The following FLRT1 variants were observed in gnomAD, a reference collection of about 807,000 sequenced individuals.
FLRT1 encodes leucine-rich repeat transmembrane protein FLRT1.
Under a neutral mutation model 30.9 loss-of-function variants are expected in FLRT1, and 14 were observed. The observed-to-expected ratio is 0.45, with a 90% CI of 0.30 to 0.71. The LOEUF is 0.71. FLRT1 is among the 30% of genes least tolerant of loss of function. The pLI is 0.08. For missense variants in FLRT1, 737 were observed against 949.2 expected (o/e 0.78, Z 2.94); for synonymous variants, 368 against 430.4 (o/e 0.85, Z 1.80).
intron 1 of FLRT1, among the ~76,000 whole-genome samples, chr11:64,073,632 T>C (rs901114458): frequency 6.6e-6 from 1 of 151,090 alleles, no homozygotes. Flanking sequence ...GCGCTGGGGG[T>C]GCACATGTAC....
intron 1 of FLRT1, among the ~76,000 whole-genome samples, chr11:64,071,480 A>T (rs1386040293): frequency 6.6e-6 from 1 of 151,976 alleles, no homozygotes; most frequent in Non-Finnish European, 1.5e-5. Flanking sequence ...GGCCAAGGAG[A>T]GCATTGTCCC....
intron 1 of FLRT1, among the ~76,000 whole-genome samples, chr11:64,075,172 G>A (rs1012535371): frequency 7.2e-5 from 11 of 152,214 alleles, no homozygotes; most frequent in African/African-American, 2.7e-4. Flanking sequence ...ACAGGGCAGC[G>A]CATGAGGGTC....
At chr11:64,094,665 C>A (rs1289946036) in intron 1 of FLRT1, among the ~76,000 whole-genome samples, 1 of 152,204 alleles carries the variant, frequency 6.6e-6, no homozygotes, top group African/African-American at 2.4e-5. Context: ...GTGGCTGCTG[C>A]GGGCGGGACC....
At chr11:64,101,821 G>A (rs1325688800) in intron 1 of FLRT1, among the ~76,000 whole-genome samples, 5 of 152,046 alleles carry the variant, frequency 3.3e-5, no homozygotes, top group Non-Finnish European at 5.9e-5. Flanking sequence ...TCGATGTCCC[G>A]TGGGGCTTGC....
chr11:64,089,371 C>A (rs952459305), intron 1 of FLRT1, among the ~76,000 whole-genome samples: 1 of 152,178 alleles, frequency 6.6e-6, no homozygotes, highest in Non-Finnish European at 1.5e-5. Flanking sequence ...CGCAAGTCCC[C>A]TAGACCTGGG....
intron 1 of FLRT1, among the ~76,000 whole-genome samples, chr11:64,081,311 C>T (rs1390006636): frequency 6.6e-6 from 1 of 152,134 alleles, no homozygotes; most frequent in Non-Finnish European, 1.5e-5. Context: ...CGTGAGCCAC[C>T]ACGCCCAGCC....
At chr11:64,106,199 G>T (rs1301847782) in intron 2 of FLRT1, among the ~76,000 whole-genome samples, 2 of 152,168 alleles carry the variant, frequency 1.3e-5, no homozygotes, top group South Asian at 4.2e-4. Flanking sequence ...TCTGAGGCCT[G>T]GGTTTGTGGC....
intron 1 of FLRT1, among the ~76,000 whole-genome samples, chr11:64,038,159 AAGG>A (rs1441938987): frequency 2.0e-5 from 3 of 152,074 alleles, no homozygotes; most frequent in Admixed American, 2.0e-4. Context: ...AGCTGTTTCT[AAGG>A]AGGTGATGGG....
rs755446395 is a variant in FLRT1 at position 64,116,877 on chromosome 11, C to T, written c.610C>T (p.Arg204Trp). The change falls in exon 3 of 3, where the codon CGG becomes TGG. Residue 204 changes from arginine (R) to tryptophan (W), a missense_variant. By Grantham distance (101) the Arg-to-Trp change is moderately radical. Coordinates refer to ENST00000682287, the MANE Select transcript of FLRT1 (RefSeq NM_013280.5). ...GCTGCCGCACACGCTGGAGGAGCTG[C>T]GGCTGGATGACAACCGCATCTCCAC... ...SGLPHTLEELRLDDNRISTIP... is the reference protein window; with the variant it reads ...SGLPHTLEELWLDDNRISTIP... The T allele has an allele frequency of 3.7e-6, 6 of 1,611,646 alleles. No homozygotes were observed. The East Asian group carries it at 1.1e-4, about 30-fold the overall frequency.
intron 2 of FLRT1, among the ~76,000 whole-genome samples, chr11:64,115,181 C>A (rs1387215567): frequency 6.6e-6 from 1 of 152,196 alleles, no homozygotes; most frequent in Non-Finnish European, 1.5e-5. Flanking sequence ...ACACCTTCCT[C>A]ACTGAGACTG....
intron 1 of FLRT1, among the ~76,000 whole-genome samples, chr11:64,078,866 G>A (rs563500303): frequency 2.2e-4 from 33 of 152,334 alleles, no homozygotes; most frequent in Admixed American, 7.8e-4. Flanking sequence ...AGACTGTCTC[G>A]GCAGAGGGGA....
rs2134375541 is a variant in FLRT1, at chr11:64,036,672, C to T, written c.-1038+513C>T. 6.6e-6 allele frequency among the ~76,000 whole-genome samples: 1 copy of T among 152,196 alleles called. No individual in the cohort carries two copies. The highest frequency in any genetic ancestry group is 2.4e-5 in the African/African-American group (1 of 41,556). ...CGAGGTTTTATTTTTAAAACGACTTCAAGGGGGGCATGAGCAGCCTCCAAC... is the reference window on the plus strand; with the variant it reads ...CGAGGTTTTATTTTTAAAACGACTTTAAGGGGGGCATGAGCAGCCTCCAAC... On this transcript the variant is annotated intron_variant, in intron 1 of 2. Transcript: ENST00000682287. This position sits in a 1 kb window ranked among gnomAD's most constrained non-coding sequence, Gnocchi z 5.6.
chr11:64,038,695 A>G (rs1943428986), intron 1 of FLRT1, among the ~76,000 whole-genome samples: 1 of 152,142 alleles, frequency 6.6e-6, no homozygotes, highest in South Asian at 2.1e-4. Flanking sequence ...TGGGGCCTGT[A>G]TGGGACTGTG....
intron 1 of FLRT1, among the ~76,000 whole-genome samples, chr11:64,046,533 G>A (rs1300079553): frequency 6.6e-6 from 1 of 152,206 alleles, no homozygotes; most frequent in Non-Finnish European, 1.5e-5. Flanking sequence ...TCAGCTTCAT[G>A]CACACTCCTG....
intron 1 of FLRT1, among the ~76,000 whole-genome samples, chr11:64,045,271 C>T (rs59863478): frequency 0.02 from 3,092 of 152,294 alleles, 90 homozygotes; most frequent in African/African-American, 0.068. Flanking sequence ...GGCGGCCTGC[C>T]GTCACAGAGC....
At position 64,113,603 on chromosome 11, in the gene FLRT1, GTGGATGGATGGATGGA is replaced by G. The variant is rs138402349; in HGVS notation, c.-49-2584_-49-2569del. Among the ~76,000 whole-genome samples, 409 of 117,550 alleles carry G rather than the reference GTGGATGGATGGATGGA, an allele frequency of 3.5e-3. 2 individuals are homozygous for G. The highest frequency in any genetic ancestry group is 8.4e-3 in the African/African-American group (243 of 29,084). 77.1% of individuals were successfully genotyped at this position (117,550 alleles called of 152,430 possible). On this transcript the variant is annotated intron_variant, in intron 2 of 2. Coordinates refer to ENST00000682287, the MANE Select transcript of FLRT1 (RefSeq NM_013280.5). ...ATAGCATGGATGGATGGATGGTTAG[GTGGATGGATGGATGGA>G]TGGATGGATGGATGGATGGATGGAT... is the stretch of plus-strand genomic sequence containing the variant.
chr11:64,103,069 CA>C (rs36005898), intron 1 of FLRT1, 124 bp from the exon 2 acceptor site: 22,122 of 139,996 alleles, frequency 0.16, 2,003 homozygotes, highest in East Asian at 0.23. Flanking sequence ...GACTCCATCT[CA>C]AAAAAAAAAA....
intron 1 of FLRT1, among the ~76,000 whole-genome samples, chr11:64,043,469 T>G (rs1237851449): frequency 2.0e-5 from 3 of 151,930 alleles, no homozygotes; most frequent in Non-Finnish European, 4.4e-5. Flanking sequence ...AAAGGGCAAG[T>G]TGAGGTGTGG....
At chr11:64,085,301 A>G (rs115903832) in intron 1 of FLRT1, among the ~76,000 whole-genome samples, 1,625 of 152,264 alleles carry the variant, frequency 0.011, 31 homozygotes, top group African/African-American at 0.036. Context: ...TGTCCTGTTC[A>G]ATTTTGAACT....
Sources: gnomAD v4.1 joint callset for allele counts (sites outside exome capture counted in the v4.1 genomes callset) on GRCh38, gnomAD v4.1.1 for gene constraint, Gnocchi (gnomAD v3.1) non-coding constraint, MANE v1.5 for transcripts, NCBI Gene and HGNC (gene_info 2026-07-23, HGNC 2026-07-21) for gene names.